SAMD5: variants seen among roughly 807,000 people sequenced by gnomAD.
SAMD5 encodes the protein sterile alpha motif domain containing 5.
Under a neutral mutation model 11.3 loss-of-function variants are expected in SAMD5, and 13 were observed. The ratio of observed to expected loss-of-function variants is 1.15; its 90% CI spans 0.75 to 1.83. SAMD5 has a LOEUF of 1.83. Among genes scored for constraint, SAMD5 ranks in the 40% most tolerant of loss-of-function variants. The pLI is 0.00. For synonymous variants in SAMD5, 129 were observed against 111.3 expected (o/e 1.16, Z -1.00); for missense variants, 255 against 239.1 (o/e 1.07, Z -0.44).
the SAMD5 span, among the ~76,000 whole-genome samples, chr6:147,801,578 TTC>T: frequency 4.6e-5 from 7 of 152,142 alleles, no homozygotes; most frequent in Non-Finnish European, 4.4e-5. Flanking sequence ...GGAAGTTGTT[TTC>T]AGGCATTCTG....
chr6:147,589,253 C>G (rs948657451), intron 1 of SAMD5, among the ~76,000 whole-genome samples: 1 of 152,144 alleles, frequency 6.6e-6, no homozygotes, highest in Admixed American at 6.5e-5. Flanking sequence ...GCCACCATGT[C>G]CTACCTGGCA....
intron 1 of SAMD5, among the ~76,000 whole-genome samples, chr6:147,696,992 T>C (rs564166992): frequency 9.8e-5 from 15 of 152,296 alleles, no homozygotes; most frequent in African/African-American, 3.6e-4. Context: ...GAGTTCAAGA[T>C]CAAGGTGTGG....
chr6:147,826,017 C>T, the SAMD5 span, among the ~76,000 whole-genome samples: 1 of 152,144 alleles, frequency 6.6e-6, no homozygotes, highest in Non-Finnish European at 1.5e-5. Flanking sequence ...AAAATGTTAC[C>T]ATGGGAACCT....
In SAMD5 at chr6:147,590,317, A is replaced by G. The variant is rs370930514; in HGVS notation, c.162+80930A>G. Reference sequence around the variant, plus strand: ...AATTTTATTTACTTAATGTTTCTCAAAGAAACCCGTGATAGCTGGGTCTGT... The same window carrying G: ...AATTTTATTTACTTAATGTTTCTCAGAGAAACCCGTGATAGCTGGGTCTGT... On this transcript the variant is annotated intron_variant, in intron 1 of 1. Transcript: ENST00000566741. 9.9e-5 allele frequency among the ~76,000 whole-genome samples: 15 copies of G among 152,254 alleles called. No individual in the cohort carries two copies. The East Asian group carries it at 2.5e-3, about 25-fold the overall frequency.
the SAMD5 span, among the ~76,000 whole-genome samples, chr6:147,803,797 C>T: frequency 1.2e-3 from 189 of 152,280 alleles, 1 homozygote; most frequent in African/African-American, 4.5e-3. Context: ...ACGCACACTG[C>T]CTCTCTTTAG....
In SAMD5 at chr6:147,567,919, TCAAAACAAAACAAAA is replaced by T; in HGVS notation, c.*3476_*3490del. The T allele has an allele frequency of 1.0e-6, 1 of 986,088 alleles. No homozygotes were observed. Among genetic ancestry groups the T allele is most frequent in the Non-Finnish European group, 1.2e-6 (1 of 830,542 alleles). The allele number at this position is 986,088 out of a possible 1,614,324, so 61.1% of individuals were successfully genotyped here. A position where few individuals can be genotyped will look rare whatever the true frequency, so the allele number is the denominator to read the frequency against. ...CTGGGCAACAGAGCAAGATCCCGTC[TCAAAACAAAACAAAA>T]CAAAACAAAACAGCAAATTCATAAA... On this transcript the variant is annotated 3_prime_UTR_variant, in exon 2 of 2. Transcript: ENST00000367474.
chr6:147,569,341 T>C lies in SAMD5; in HGVS notation c.*4885T>C. The C allele has an allele frequency of 3.2e-6, 2 of 628,360 alleles. No individual in the cohort carries two copies. Among genetic ancestry groups the C allele is most frequent in the South Asian group, 1.4e-4 (2 of 13,902 alleles). 38.9% of individuals were successfully genotyped at this position (628,360 alleles called of 1,614,324 possible). A position where few individuals can be genotyped will look rare whatever the true frequency, so the allele number is the denominator to read the frequency against. ...GAAATTAAGTGTTATTTTTTATTAC[T>C]GCAGTTGAGAGATACCTTTTCAGAG... On this transcript the variant is annotated 3_prime_UTR_variant, in exon 2 of 2. Transcript: ENST00000367474.
Position 147,508,792 on chromosome 6 carries a change from C to G in SAMD5, c.-137C>G, listed in dbSNP as rs76970923. 8.3e-6 allele frequency: 11 copies of G among 1,326,190 alleles called. No individual in the cohort carries two copies. Among genetic ancestry groups the G allele is most frequent in the African/African-American group, 6.2e-5 (4 of 64,528 alleles). 82.2% of individuals were successfully genotyped at this position (1,326,190 alleles called of 1,614,324 possible). A position where few individuals can be genotyped will look rare whatever the true frequency, so the allele number is the denominator to read the frequency against. On this transcript the variant is annotated 5_prime_UTR_variant, in exon 1 of 2. Transcript: ENST00000367474. ...GATGGTTTTCCGTCTCCTGCCCGAGCCTTTCCTTTAAAAGGAAAACTTTAC... is the reference window on the plus strand; with the variant it reads ...GATGGTTTTCCGTCTCCTGCCCGAGGCTTTCCTTTAAAAGGAAAACTTTAC...
At chr6:147,555,119 G>C (rs545093146) in intron 1 of SAMD5, among the ~76,000 whole-genome samples, 1 of 152,284 alleles carries the variant, frequency 6.6e-6, no homozygotes, top group Non-Finnish European at 1.5e-5. Flanking sequence ...TGAAGCAGTA[G>C]AAATTAATGT....
chr6:147,814,625 T>C, the SAMD5 span, among the ~76,000 whole-genome samples: 1 of 152,166 alleles, frequency 6.6e-6, no homozygotes, highest in African/African-American at 2.4e-5. Flanking sequence ...ATTCTATATA[T>C]TACATAATTA....
the SAMD5 span, among the ~76,000 whole-genome samples, chr6:147,870,476 G>A: frequency 0.31 from 42,183 of 137,906 alleles, 6,944 homozygotes; most frequent in Middle Eastern, 0.44. Context: ...GTGTGTGTGT[G>A]TGTGTGTATA....
the SAMD5 span, among the ~76,000 whole-genome samples, chr6:147,797,867 A>G: frequency 6.6e-6 from 1 of 151,112 alleles, no homozygotes; most frequent in Non-Finnish European, 1.5e-5. Flanking sequence ...GAGGTTTTGT[A>G]GTATTCTCTG....
chr6:147,584,183 AC>A (rs1407333779), intron 1 of SAMD5, among the ~76,000 whole-genome samples: 1 of 152,136 alleles, frequency 6.6e-6, no homozygotes, highest in Admixed American at 6.5e-5. Context: ...AGCATGTATT[AC>A]TTCCATACAT....
At chr6:147,534,095 A>G (rs1788470735) in intron 1 of SAMD5, among the ~76,000 whole-genome samples, 1 of 152,164 alleles carries the variant, frequency 6.6e-6, no homozygotes, top group African/African-American at 2.4e-5. Context: ...CAGTGTGGAC[A>G]TGACCCGGGG....
At chr6:147,873,402 A>T in the SAMD5 span, among the ~76,000 whole-genome samples, 8 of 152,008 alleles carry the variant, frequency 5.3e-5, no homozygotes, top group Non-Finnish European at 1.0e-4. Flanking sequence ...TAATTTAACA[A>T]CTAAGTATAT....
intron 1 of SAMD5, among the ~76,000 whole-genome samples, chr6:147,561,362 A>G (rs145032522): frequency 0.019 from 2,850 of 152,080 alleles, 56 homozygotes; most frequent in African/African-American, 0.046. Flanking sequence ...TAATTTTTGT[A>G]TTTTTAGTAG....
chr6:147,822,617 T>A, the SAMD5 span, among the ~76,000 whole-genome samples: 1 of 152,136 alleles, frequency 6.6e-6, no homozygotes, highest in Non-Finnish European at 1.5e-5. Flanking sequence ...GTCATTTTAT[T>A]TATGTGTCAA....
chr6:147,882,632 A>G, the SAMD5 span, among the ~76,000 whole-genome samples: 102,981 of 152,168 alleles, frequency 0.68, 35,688 homozygotes, highest in African/African-American at 0.84. Context: ...TGTTATTGTT[A>G]TGTAACCCTG....
intron 1 of SAMD5, among the ~76,000 whole-genome samples, chr6:147,512,932 G>T (rs908704899): frequency 1.6e-4 from 25 of 152,282 alleles, no homozygotes; most frequent in African/African-American, 6.0e-4. Flanking sequence ...GCAGGGATTG[G>T]GCACCATCTC....
Sources: allele counts gnomAD v4.1 joint callset (sites outside exome capture counted in the v4.1 genomes callset), GRCh38; gene constraint gnomAD v4.1.1; transcripts MANE v1.5; gene names NCBI Gene and HGNC (gene_info 2026-07-23, HGNC 2026-07-21).